Variants in HMCN2 observed in about 807,000 individuals in gnomAD.
HMCN2 encodes the protein hemicentin-2.
A neutral mutation model predicts 377.5 loss-of-function variants in HMCN2; 325 were observed. The ratio of observed to expected loss-of-function variants is 0.86; its 90% CI spans 0.79 to 0.94. HMCN2 has a LOEUF of 0.94. HMCN2 is among the 40% of genes least tolerant of loss of function. The probability of loss-of-function intolerance (pLI) is 0.00; values close to 1 mark genes in which losing one functional copy is unlikely to be tolerated. For synonymous variants in HMCN2, 2,007 were observed against 2,046.8 expected, an observed-to-expected ratio of 0.98 and a Z score of 0.53; for missense variants, 4,543 against 4,725.3, an observed-to-expected ratio of 0.96 and a Z score of 1.13.
chr9:130,312,923 G>A (rs1837347141), intron 15 of HMCN2, among the ~76,000 whole-genome samples: 1 of 152,088 alleles, frequency 6.6e-6, no homozygotes, highest in East Asian at 1.9e-4. Context: ...GCCTCCCAAA[G>A]TGCTGGGATT....
At chr9:130,331,157 A>T (rs1452327616) in intron 22 of HMCN2, among the ~76,000 whole-genome samples, 1 of 72,388 alleles carries the variant, frequency 1.4e-5, no homozygotes, top group Non-Finnish European at 2.9e-5. Context: ...ACTCTGTCTT[A>T]AAAAAAAAAA....
intron 40 of HMCN2, among the ~76,000 whole-genome samples, chr9:130,363,620 G>A (rs62579552): frequency 0.092 from 13,996 of 151,908 alleles, 690 homozygotes; most frequent in Admixed American, 0.11. Flanking sequence ...TCAGGAGTTC[G>A]AGACCAGCCT....
At position 130,349,650 on chromosome 9, in the gene HMCN2, A is replaced by C; in HGVS notation, c.4417A>C (p.Thr1473Pro). ...GGTCCCCACGCCCCAGGTGGAGTGG[A>C]CCAAGGACAGGCAGTGAGTGCCCCC... ...SGVPTPQVEW[T>P]KDRQPVLPGG... Residue 1473 changes from threonine to proline, a missense_variant, in exon 29 of 98, where the codon ACC becomes CCC. By Grantham distance (38) the Thr-to-Pro change is conservative. This residue lies in a region of HMCN2 where 1,032 missense variants were observed against 1,285.1 expected (regional missense o/e 0.80). Transcript: ENST00000683500. 7.7e-7 allele frequency: 1 copy of C among 1,303,738 alleles called. No individual in the cohort carries two copies. Among genetic ancestry groups the C allele is most frequent in the Middle Eastern group, 2.1e-4 (1 of 4,676 alleles). The allele number at this position is 1,303,738 out of a possible 1,614,324, so 80.8% of individuals were successfully genotyped here.
chr9:130,305,542 C>A (rs187351793), intron 11 of HMCN2, among the ~76,000 whole-genome samples: 1 of 152,286 alleles, frequency 6.6e-6, no homozygotes, highest in Non-Finnish European at 1.5e-5. Context: ...GCCAGCGGCT[C>A]TTGAGTGGCT....
rs1405200442 is a variant in HMCN2 at position 130,359,383 on chromosome 9, G to A, written c.5742G>A (p.Leu1914=). 1 of 1,303,790 alleles carries A rather than the reference G, an allele frequency of 7.7e-7. No homozygotes were observed. Among genetic ancestry groups the A allele is most frequent in the Admixed American group, 2.3e-5 (1 of 43,548 alleles). 80.8% of individuals were successfully genotyped at this position (1,303,790 alleles called of 1,614,324 possible). A position where few individuals can be genotyped will look rare whatever the true frequency, so the allele number is the denominator to read the frequency against. Reference sequence around the variant, plus strand: ...TGCTGGAAAATGCCTCAGTGACCTTGGAGTGTCTGGCTTCGGGCGTGCCCC... The same window carrying A: ...TGCTGGAAAATGCCTCAGTGACCTTAGAGTGTCTGGCTTCGGGCGTGCCCC... ...KAVLENASVT[L]ECLASGVPPP... Residue 1914 remains leucine, a synonymous_variant, in exon 37 of 98, where the codon TTG becomes TTA. Coordinates refer to ENST00000683500, the MANE Select transcript of HMCN2 (RefSeq NM_001291815.2).
chr9:130,270,264 A>G (rs1172207552), intron 1 of HMCN2, among the ~76,000 whole-genome samples: 1 of 136,520 alleles, frequency 7.3e-6, no homozygotes, highest in Non-Finnish European at 1.6e-5. Flanking sequence ...TTAGGTGCTT[A>G]TAAAGGTTTT....
intron 66 of HMCN2, among the ~76,000 whole-genome samples, chr9:130,392,804 G>A (rs553938588): frequency 5.3e-5 from 8 of 152,066 alleles, no homozygotes; most frequent in Non-Finnish European, 1.2e-4. Flanking sequence ...AGACCATCCT[G>A]GCTAACACGG....
Position 130,364,874 on chromosome 9 carries a change from C to G in HMCN2, c.6393C>G (p.Asp2131Glu). 1 of 985,942 alleles carries G rather than the reference C, an allele frequency of 1.0e-6. No individual in the cohort carries two copies. Among genetic ancestry groups the G allele is most frequent in the South Asian group, 4.7e-5 (1 of 21,294 alleles). 61.1% of individuals were successfully genotyped at this position (985,942 alleles called of 1,614,324 possible). The change falls in exon 41 of 98, where the codon GAC becomes GAG. Residue 2131 changes from aspartate to glutamate, a missense_variant. By Grantham distance (45) the Asp-to-Glu change is conservative. This residue lies in a region of HMCN2 where 1,032 missense variants were observed against 1,285.1 expected (regional missense o/e 0.80). Transcript: ENST00000683500. ...EPRPGVHLSA[D>E]KALLQVDRAD... ...GGCCTGGAGTCCACCTCTCCGCAGACAAAGCCTTGCTGCAGGTGTGCAGGC... is the reference window on the plus strand; with the variant it reads ...GGCCTGGAGTCCACCTCTCCGCAGAGAAAGCCTTGCTGCAGGTGTGCAGGC...
At chr9:130,386,410 G>T (rs1370392270) in intron 60 of HMCN2, 33 bp from the exon 61 acceptor site, 1 of 1,283,804 alleles carries the variant, frequency 7.8e-7, no homozygotes, top group Non-Finnish European at 1.0e-6. Flanking sequence ...TCCAGCTCCA[G>T]CACACAGCCA....
chr9:130,348,569 G>T lies in HMCN2; in HGVS notation c.4049G>T (p.Gly1350Val). Residue 1350 changes from glycine to valine, a missense_variant, in exon 27 of 98, where the codon GGG (glycine) becomes GTG (valine). Gly to Val is a moderately radical substitution (Grantham distance 109, BLOSUM62 -3). Transcript: ENST00000683500. ...VYVPPSIRED[G>V]RKANVSGMAG... is the part of the protein sequence containing the mutation. ...GTGCCCCCCAGCATCCGGGAGGACG[G>T]GCGCAAGGCCAACGTGTCGGGTATG... is the stretch of plus-strand genomic sequence containing the variant. 7.7e-7 allele frequency: 1 copy of T among 1,304,224 alleles called. No homozygotes were observed. Among genetic ancestry groups the T allele is most frequent in the South Asian group, 1.2e-5 (1 of 81,028 alleles). 80.8% of individuals were successfully genotyped at this position (1,304,224 alleles called of 1,614,324 possible). A position where few individuals can be genotyped will look rare whatever the true frequency, so the allele number is the denominator to read the frequency against.
chr9:130,295,504 G>A (rs539874087), intron 5 of HMCN2, among the ~76,000 whole-genome samples, 162 bp from the exon 6 acceptor site: 26 of 152,222 alleles, frequency 1.7e-4, no homozygotes, highest in African/African-American at 6.0e-4. Flanking sequence ...CCTGAGGGTG[G>A]AGCGTGGAGT....
intron 87 of HMCN2, 63 bp from the exon 88 acceptor site, chr9:130,424,713 G>A: frequency 6.9e-7 from 1 of 1,443,576 alleles, no homozygotes; most frequent in Non-Finnish European, 9.1e-7. Context: ...ACGGGACCTT[G>A]AACAGGAGGT....
At chr9:130,355,888 G>T (rs111396179) in intron 33 of HMCN2, 34 bp downstream of exon 33, 4 of 1,208,152 alleles carry the variant, frequency 3.3e-6, no homozygotes, top group Non-Finnish European at 4.4e-6. Context: ...AGGGCTGGGG[G>T]TAGGCAGAGA....
chr9:130,349,061 T>C lies in HMCN2; in HGVS notation c.4233T>C (p.Ser1411=), dbSNP rs753404073. ...TCCCCAGGATCCAGGAGGGTGATTC[T>C]GGGCTCTACTCCTGCCGGGCAGAGA... ...LHFPRIQEGD[S]GLYSCRAENQ... is the part of the protein sequence containing the mutation. Residue 1411 remains serine, a synonymous_variant, in exon 28 of 98, where the codon TCT becomes TCC. Coordinates refer to ENST00000683500, the MANE Select transcript of HMCN2 (RefSeq NM_001291815.2). 139 of 1,304,142 alleles carry C rather than the reference T, an allele frequency of 1.1e-4. No homozygotes were observed. The highest frequency in any genetic ancestry group is 5.6e-5 in the Non-Finnish European group (55 of 988,954). 80.8% of individuals were successfully genotyped at this position (1,304,142 alleles called of 1,614,324 possible). A position where few individuals can be genotyped will look rare whatever the true frequency, so the allele number is the denominator to read the frequency against.
chr9:130,334,825 C>G (rs1838653655), intron 22 of HMCN2, among the ~76,000 whole-genome samples: 1 of 150,132 alleles, frequency 6.7e-6, no homozygotes, highest in Non-Finnish European at 1.5e-5. Context: ...TCCTCTCTCT[C>G]TCTCTCTCCC....
chr9:130,283,097 C>T (rs906802827), intron 1 of HMCN2, among the ~76,000 whole-genome samples: 4 of 151,924 alleles, frequency 2.6e-5, no homozygotes, highest in Admixed American at 6.6e-5. Context: ...AAATAAAATA[C>T]ATAGGGTGCA....
In HMCN2 at chr9:130,414,884, G is replaced by A. The variant is rs553577766; in HGVS notation, c.12962-3888G>A. Among the ~76,000 whole-genome samples the A allele has an allele frequency of 4.0e-4, 61 of 152,122 alleles. No homozygotes were observed. Among genetic ancestry groups the A allele is most frequent in the African/African-American group, 1.4e-3 (57 of 41,496 alleles). On this transcript the variant is annotated intron_variant, in intron 85 of 97. Coordinates refer to ENST00000683500, the MANE Select transcript of HMCN2 (RefSeq NM_001291815.2). The surrounding 1 kb of genome is among the most constrained non-coding windows in gnomAD (Gnocchi z 4.4). ...CCTGCCTCAGCCTCCCAAAGTGGTGGGATTACAGGCATGAACCACTGTGCC... is the reference window on the plus strand; with the variant it reads ...CCTGCCTCAGCCTCCCAAAGTGGTGAGATTACAGGCATGAACCACTGTGCC...
At chr9:130,349,888 C>CTTT (rs760662723) in intron 29 of HMCN2, among the ~76,000 whole-genome samples, 9 of 91,312 alleles carry the variant, frequency 9.9e-5, no homozygotes, top group East Asian at 7.6e-4. Context: ...TTAGCCTTTC[C>CTTT]TTTTTTTTTT....
intron 4 of HMCN2, among the ~76,000 whole-genome samples, chr9:130,286,638 G>A (rs1835429710): frequency 6.6e-6 from 1 of 152,224 alleles, no homozygotes; most frequent in African/African-American, 2.4e-5. Context: ...GTTGGTCCAG[G>A]CTGACAAGGT....
Sources: allele counts gnomAD v4.1 joint callset (sites outside exome capture counted in the v4.1 genomes callset), GRCh38; gene constraint gnomAD v4.1.1; regional missense constraint gnomAD v4.1.1; non-coding constraint Gnocchi (gnomAD v3.1); transcripts MANE v1.5; gene names NCBI Gene and HGNC (gene_info 2026-07-23, HGNC 2026-07-21).